Variants in PCDHGA7 observed in about 807,000 individuals in gnomAD.
The protein encoded by PCDHGA7 is protocadherin gamma subfamily A, 7, also known as protocadherin gamma-A7.
In PCDHGA7, 44 loss-of-function variants were observed where a neutral mutation model predicts 58.3. The ratio of observed to expected loss-of-function variants is 0.75; its 90% CI spans 0.59 to 0.97. The LOEUF (loss-of-function observed/expected upper bound fraction) is 0.97. Among genes scored for constraint, PCDHGA7 ranks in the 50% least tolerant of loss-of-function variants. PCDHGA7 has a pLI of 0.00. For synonymous variants in PCDHGA7, 516 were observed against 504.2 expected (o/e 1.02, Z -0.31); for missense variants, 1,266 against 1,188.7 (o/e 1.06, Z -0.96).
chr5:141,460,091 A>G (rs2098981847), intron 1 of PCDHGA7, among the ~76,000 whole-genome samples: 1 of 152,002 alleles, frequency 6.6e-6, no homozygotes, highest in Non-Finnish European at 1.5e-5. Flanking sequence ...AATAATAATT[A>G]TACATGTAAT....
At chr5:141,385,495 T>G in intron 1 of PCDHGA7, 172 bp downstream of exon 1, 1 of 1,391,982 alleles carries the variant, frequency 7.2e-7, no homozygotes, top group Non-Finnish European at 9.3e-7. Flanking sequence ...ACATAGGATA[T>G]AGTATTTCTT....
At chr5:141,483,812 A>C (rs1188806533) in intron 1 of PCDHGA7, among the ~76,000 whole-genome samples, 2 of 152,162 alleles carry the variant, frequency 1.3e-5, no homozygotes, top group Non-Finnish European at 2.9e-5. Context: ...TTTTTTTGGC[A>C]GCCAGTGTAA....
chr5:141,461,323 T>C (rs2099013372), intron 1 of PCDHGA7, among the ~76,000 whole-genome samples: 1 of 152,176 alleles, frequency 6.6e-6, no homozygotes, highest in African/African-American at 2.4e-5. Context: ...TTTTTAATAA[T>C]GGCCATTCTT....
intron 1 of PCDHGA7, among the ~76,000 whole-genome samples, chr5:141,453,679 T>C (rs960698192): frequency 2.0e-5 from 3 of 152,230 alleles, no homozygotes; most frequent in Non-Finnish European, 2.9e-5. Context: ...GGTAACACAC[T>C]ATGTAGGTAG....
rs201704748 is a variant in PCDHGA7, at chr5:141,431,453, G to A, written c.2424+46130G>A. The A allele has an allele frequency of 5.7e-4, 914 of 1,613,802 alleles. 10 individuals are homozygous for A. The South Asian group carries it at 9.6e-3, about 17-fold the overall frequency. ...AGGCACCGCGCGCATCCGCGTGATG[G>A]TTCTGGATGCGAACGACAACGCACC... On this transcript the variant is annotated intron_variant, in intron 1 of 3. Coordinates refer to ENST00000518325, the MANE Select transcript of PCDHGA7 (RefSeq NM_018920.4). This position sits in a 1 kb window ranked among gnomAD's most constrained non-coding sequence, Gnocchi z 4.8.
chr5:141,448,706 C>G (rs1344013319), intron 1 of PCDHGA7, among the ~76,000 whole-genome samples: 1 of 151,732 alleles, frequency 6.6e-6, no homozygotes, highest in African/African-American at 2.4e-5. Context: ...TTTGGGAGGC[C>G]GAGGCGGGAG....
At chr5:141,508,576 C>A (rs1437398161) in intron 3 of PCDHGA7, among the ~76,000 whole-genome samples, 1 of 152,136 alleles carries the variant, frequency 6.6e-6, no homozygotes, top group African/African-American at 2.4e-5. Flanking sequence ...TGCACCCACT[C>A]GGGGTGCTAC....
rs1191643556 is a variant in PCDHGA7, at chr5:141,486,302, C to T, written c.2425-8505C>T. The T allele has an allele frequency of 2.5e-6, 4 of 1,613,918 alleles. No individual in the cohort carries two copies. The highest frequency in any genetic ancestry group is 3.4e-6 in the Non-Finnish European group (4 of 1,180,002). Reference sequence around the variant, plus strand: ...GGTGGCACTTATCAGTGTGCAGGATCCAGACTCAGGGTCAAACGGAGATGT... The same window carrying T: ...GGTGGCACTTATCAGTGTGCAGGATTCAGACTCAGGGTCAAACGGAGATGT... On this transcript the variant is annotated intron_variant, in intron 1 of 3. Coordinates refer to ENST00000518325, the MANE Select transcript of PCDHGA7 (RefSeq NM_018920.4). This position sits in a 1 kb window ranked among gnomAD's most constrained non-coding sequence, Gnocchi z 5.0.
rs1333951046 is a variant in PCDHGA7, at chr5:141,485,847, C to T, written c.2425-8960C>T. 10 of 1,614,092 alleles carry T rather than the reference C, an allele frequency of 6.2e-6. No individual in the cohort carries two copies. In the African/African-American group the frequency reaches 8.0e-5, roughly 13 times the overall value. On this transcript the variant is annotated intron_variant, in intron 1 of 3. Transcript: ENST00000518325. This position sits in a 1 kb window ranked among gnomAD's most constrained non-coding sequence, Gnocchi z 5.7. ...GGAGGGAACCCGCCGAGATCTGGCA[C>T]CGCAGAGCTCCGGGTATCCGTGCTG...
At chr5:141,427,115 C>G (rs1276437779) in intron 1 of PCDHGA7, 5 of 457,520 alleles carry the variant, frequency 1.1e-5, no homozygotes, top group African/African-American at 1.0e-4. Flanking sequence ...AGATCACCTA[C>G]TCTTTCAAAT....
chr5:141,468,222 G>A lies in PCDHGA7; in HGVS notation c.2425-26585G>A, dbSNP rs560663102. 2.6e-3 allele frequency among the ~76,000 whole-genome samples: 401 copies of A among 151,572 alleles called. 2 individuals are homozygous for A. Among genetic ancestry groups the A allele is most frequent in the South Asian group, 0.02 (97 of 4,782 alleles). ...TGCCTGTAATTCCAGCTACTTGGGA[G>A]GATGAGGTAGGAGAATTGCCTGAAC... On this transcript the variant is annotated intron_variant, in intron 1 of 3. Coordinates refer to ENST00000518325, the MANE Select transcript of PCDHGA7 (RefSeq NM_018920.4).
chr5:141,388,908 G>T, intron 1 of PCDHGA7: 2 of 1,613,892 alleles, frequency 1.2e-6, no homozygotes, highest in East Asian at 2.2e-5. Context: ...AAATGACAAC[G>T]CCCCAGAAGT....
At chr5:141,393,619 C>G (rs768350628) in intron 1 of PCDHGA7, 2 of 1,613,826 alleles carry the variant, frequency 1.2e-6, no homozygotes, top group Non-Finnish European at 1.7e-6. Flanking sequence ...GCCAGCGACC[C>G]GGATGAGGGA....
rs1561605479 is a variant in PCDHGA7 at position 141,384,957 on chromosome 5, C to T, written c.2058C>T (p.Asn686=). The change falls in exon 1 of 4, where the codon AAC becomes AAT. Residue 686 remains asparagine, a synonymous_variant. Transcript: ENST00000518325. ...GSLEPSDGPY[N]YDLTLYLVVA... ...TTGAGCCCTCCGACGGTCCTTACAA[C>T]TATGACCTCACGTTGTACCTGGTGG... The T allele has an allele frequency of 1.2e-6, 2 of 1,613,966 alleles. No homozygotes were observed. Among genetic ancestry groups the T allele is most frequent in the African/African-American group, 2.7e-5 (2 of 74,936 alleles).
At chr5:141,478,570 G>T (rs1255499966) in intron 1 of PCDHGA7, 1 of 1,590,156 alleles carries the variant, frequency 6.3e-7, no homozygotes, top group Admixed American at 1.8e-5. Context: ...AGTCATGCTT[G>T]ACCCTGTTAG....
chr5:141,394,588 T>C, intron 1 of PCDHGA7: 5 of 1,613,660 alleles, frequency 3.1e-6, no homozygotes, highest in Non-Finnish European at 4.2e-6. Flanking sequence ...ACCAAGGTGG[T>C]GGCGGTGGAC....
intron 1 of PCDHGA7, among the ~76,000 whole-genome samples, chr5:141,444,014 T>C (rs2098414038): frequency 6.6e-6 from 1 of 152,122 alleles, no homozygotes; most frequent in Admixed American, 6.6e-5. Flanking sequence ...GGGTATTGGC[T>C]TCTAAAAGGA....
Position 141,405,169 on chromosome 5 carries a change from C to G in PCDHGA7, c.2424+19846C>G, listed in dbSNP as rs377298438. 12 of 1,614,004 alleles carry G rather than the reference C, an allele frequency of 7.4e-6. No homozygotes were observed. The African/African-American group carries it at 1.6e-4, about 22-fold the overall frequency. On this transcript the variant is annotated intron_variant, in intron 1 of 3. Coordinates refer to ENST00000518325, the MANE Select transcript of PCDHGA7 (RefSeq NM_018920.4). ...GGTTGGCTGGTGTGCCCACCTCACA[C>G]TTTGTGGGTGTAGATGGGGTTCGAG...
intron 1 of PCDHGA7, among the ~76,000 whole-genome samples, chr5:141,469,723 C>G (rs2099209474): frequency 6.6e-6 from 1 of 152,210 alleles, no homozygotes; most frequent in Non-Finnish European, 1.5e-5. Context: ...AGGAATTTAT[C>G]ATAAATACAC....
Sources: allele counts gnomAD v4.1 joint callset (sites outside exome capture counted in the v4.1 genomes callset), GRCh38; gene constraint gnomAD v4.1.1; non-coding constraint Gnocchi (gnomAD v3.1); transcripts MANE v1.5; gene names NCBI Gene and HGNC (gene_info 2026-07-23, HGNC 2026-07-21).